The following CHD9 variants were observed in gnomAD, a reference collection of about 807,000 sequenced individuals.
CHD9 encodes chromodomain helicase DNA binding protein 9.
CHD9 carries 77 observed loss-of-function variants against 316.1 expected under a neutral mutation model. That is an observed-to-expected ratio of 0.24 (90% CI 0.20 to 0.29). The LOEUF is 0.29. Among genes scored for constraint, CHD9 ranks in the 10% least tolerant of loss-of-function variants. The pLI, the probability that CHD9 is intolerant of heterozygous loss-of-function variation, is 1.00. For missense variants in CHD9, 2,763 were observed against 3,438.1 expected, an observed-to-expected ratio of 0.80 and a Z score of 4.91; for synonymous variants, 1,129 against 1,158.3, an observed-to-expected ratio of 0.97 and a Z score of 0.51.
intron 2 of CHD9, among the ~76,000 whole-genome samples, chr16:53,192,840 A>G (rs1452531369): frequency 6.6e-6 from 1 of 152,220 alleles, no homozygotes; most frequent in Non-Finnish European, 1.5e-5. Flanking sequence ...ATTCCATTAT[A>G]TAAATGCACC....
intron 1 of CHD9, among the ~76,000 whole-genome samples, chr16:53,150,425 A>G (rs2041005684): frequency 1.3e-5 from 2 of 152,202 alleles, no homozygotes; most frequent in South Asian, 4.1e-4. Flanking sequence ...ATCAAAGATT[A>G]CATCGGTCTA....
In CHD9 at chr16:53,103,047, A is replaced by G. The variant is rs570716482; in HGVS notation, c.-165+47970A>G. Among the ~76,000 whole-genome samples the G allele has an allele frequency of 9.8e-4, 149 of 151,444 alleles. 1 individual carries two copies. Among genetic ancestry groups the G allele is most frequent in the Admixed American group, 1.6e-3 (24 of 15,222 alleles). On this transcript the variant is annotated intron_variant, in intron 1 of 38. Coordinates refer to ENST00000447540, the MANE Select transcript of CHD9 (RefSeq NM_001308319.2). ...TTTTTAGTGGAGAAAGGGTTTCACC[A>G]TGTTAGCCAGGATGGTCTCGATCTC...
In CHD9 at chr16:53,245,888, G is replaced by A. The variant is rs1398592646; in HGVS notation, c.3454+38G>A. ...GATTACAACAAATATGTTTTTTCTT[G>A]CAACAAATACTAATGAATAAATAAA... is the stretch of plus-strand genomic sequence containing the variant. On this transcript the variant is annotated intron_variant, in intron 15 of 38. Coordinates refer to ENST00000447540, the MANE Select transcript of CHD9 (RefSeq NM_001308319.2). The surrounding 1 kb of genome is among the most constrained non-coding windows in gnomAD (Gnocchi z 4.1). The A allele has an allele frequency of 8.0e-6, 11 of 1,372,174 alleles. No homozygotes were observed. In the Admixed American group the frequency reaches 3.3e-4, roughly 42 times the overall value. The allele number at this position is 1,372,174 out of a possible 1,614,324, so 85.0% of individuals were successfully genotyped here.
chr16:53,314,481 A>T lies in CHD9; in HGVS notation c.7327A>T (p.Ile2443Phe). ...GAGGAAGAATGTAGAAGGTGTTGAC[A>T]TCTTCTTTTTTAACAGAAATAAACC... ...GRRKNVEGVD[I>F]FFFNRNKPPN... The change falls in exon 35 of 39, where the codon ATC (isoleucine) becomes TTC (phenylalanine). Residue 2443 changes from isoleucine to phenylalanine, a missense_variant. Physicochemically the swap from Ile to Phe is conservative, Grantham distance 21. Transcript: ENST00000447540. 6.3e-7 allele frequency: 1 copy of T among 1,580,700 alleles called. No homozygotes were observed. The highest frequency in any genetic ancestry group is 8.6e-7 in the Non-Finnish European group (1 of 1,162,110).
intron 1 of CHD9, among the ~76,000 whole-genome samples, chr16:53,061,651 A>C (rs2032919738): frequency 6.6e-6 from 1 of 152,232 alleles, no homozygotes; most frequent in Non-Finnish European, 1.5e-5. Context: ...GAAGTGTCCC[A>C]CGAAAAGGCA....
rs926103402 is a variant in CHD9 at position 53,227,230 on chromosome 16, A to G, written c.2044-166A>G. Reference sequence around the variant, plus strand: ...GCAGGTGATGAAAAGGACAATGACAATGATATATTTTTTTCATTTTTGTAT... The same window carrying G: ...GCAGGTGATGAAAAGGACAATGACAGTGATATATTTTTTTCATTTTTGTAT... On this transcript the variant is annotated intron_variant, in intron 5 of 38. Transcript: ENST00000447540. 1.9e-5 allele frequency: 10 copies of G among 513,836 alleles called. No individual in the cohort carries two copies. The Admixed American group carries it at 2.1e-4, about 11-fold the overall frequency. The allele number at this position is 513,836 out of a possible 1,614,324, so 31.8% of individuals were successfully genotyped here.
chr16:53,110,982 G>A (rs1449087632), intron 1 of CHD9, among the ~76,000 whole-genome samples: 1 of 152,040 alleles, frequency 6.6e-6, no homozygotes, highest in Non-Finnish European at 1.5e-5. Context: ...TTGGGGAGTT[G>A]ACCTTTTCCA....
chr16:53,195,506 G>A (rs2152836028), intron 2 of CHD9, among the ~76,000 whole-genome samples: 1 of 152,180 alleles, frequency 6.6e-6, no homozygotes, highest in East Asian at 1.9e-4. Flanking sequence ...TGCAACCAAG[G>A]TGTCAACTTG....
At chr16:53,314,255 GTTTCTACATTAAAGATGTA>G in intron 34 of CHD9, 103 bp from the exon 35 acceptor site, 3 of 616,022 alleles carry the variant, frequency 4.9e-6, no homozygotes, top group Non-Finnish European at 7.7e-6. Context: ...TAGTCCAAAA[GTTTCTACATTAAAGATGTA>G]TAAAATAAGA....
At position 53,314,884 on chromosome 16, in the gene CHD9, C is replaced by G. The variant is rs773000417; in HGVS notation, c.7424C>G (p.Thr2475Ser). The G allele has an allele frequency of 1.9e-6, 3 of 1,613,816 alleles. No individual in the cohort carries two copies. The South Asian group carries it at 3.3e-5, about 18-fold the overall frequency. The change falls in exon 36 of 39, where the codon ACT (threonine) becomes AGT (serine). Residue 2475 changes from threonine to serine, a missense_variant. Physicochemically the swap from Thr to Ser is moderately conservative, Grantham distance 58. Coordinates refer to ENST00000447540, the MANE Select transcript of CHD9 (RefSeq NM_001308319.2). Reference protein sequence around the residue: ...STGINPALSYTQPQGIPDTES... With the variant: ...STGINPALSYSQPQGIPDTES... ...GGGATAAATCCAGCACTATCCTATA[C>G]TCAACCTCAAGGAATTCCTGATACA...
At chr16:53,204,117 A>G (rs867653241) in intron 2 of CHD9, among the ~76,000 whole-genome samples, 4 of 126,000 alleles carry the variant, frequency 3.2e-5, no homozygotes, top group Admixed American at 7.3e-5. Context: ...TTCTTTATCT[A>G]GATAACGTGT....
At chr16:53,252,109 A>G (rs896430646) in intron 17 of CHD9, among the ~76,000 whole-genome samples, 11 of 152,206 alleles carry the variant, frequency 7.2e-5, no homozygotes, top group African/African-American at 2.7e-4. Flanking sequence ...GACTAAGCCA[A>G]AAGAACAAAT....
intron 8 of CHD9, among the ~76,000 whole-genome samples, chr16:53,229,314 G>A (rs1015635793): frequency 7.9e-5 from 12 of 152,144 alleles, no homozygotes; most frequent in Non-Finnish European, 1.5e-5. Context: ...GATCATGCTT[G>A]TATTTTTAAA....
intron 24 of CHD9, among the ~76,000 whole-genome samples, chr16:53,281,723 C>T (rs2053436231): frequency 1.3e-5 from 2 of 152,122 alleles, no homozygotes; most frequent in South Asian, 4.1e-4. Flanking sequence ...TGTGTTTTGC[C>T]AACCTGTCAA....
intron 20 of CHD9, among the ~76,000 whole-genome samples, chr16:53,265,354 G>A (rs1428009045): frequency 6.6e-6 from 1 of 152,122 alleles, no homozygotes; most frequent in Non-Finnish European, 1.5e-5. Flanking sequence ...AGTGAGCTGT[G>A]ATTGTGCCAT....
intron 1 of CHD9, among the ~76,000 whole-genome samples, chr16:53,106,043 C>T (rs955378189): frequency 6.6e-6 from 1 of 152,092 alleles, no homozygotes. Context: ...AGGCTTCGAA[C>T]TCCTGACCTC....
intron 1 of CHD9, among the ~76,000 whole-genome samples, chr16:53,146,184 G>A (rs528673613): frequency 6.2e-5 from 9 of 144,066 alleles, no homozygotes; most frequent in African/African-American, 2.1e-4. Context: ...CCAGGAGTTC[G>A]AGACCAACCT....
Position 53,324,817 on chromosome 16 carries a change from A to G in CHD9, c.8616A>G (p.Ser2872=), listed in dbSNP as rs773176161. 6.2e-7 allele frequency: 1 copy of G among 1,612,760 alleles called. No homozygotes were observed. Among genetic ancestry groups the G allele is most frequent in the South Asian group, 1.1e-5 (1 of 90,782 alleles). Residue 2872 remains serine (S), a synonymous_variant, in exon 39 of 39, where the codon TCA becomes TCG. Coordinates refer to ENST00000447540, the MANE Select transcript of CHD9 (RefSeq NM_001308319.2). ...ATGAAAACAGCACAGATGAGGGTTC[A>G]GAGAAAGCTGATGCTTCATCTGGAT... ...PLNENSTDEG[S]EKADASSGSD...
At chr16:53,266,324 ATAT>A (rs1384873034) in intron 20 of CHD9, among the ~76,000 whole-genome samples, 2 of 152,154 alleles carry the variant, frequency 1.3e-5, no homozygotes, top group Non-Finnish European at 2.9e-5. Context: ...CATTCCATAC[ATAT>A]TATGGCATAC....
Sources: gnomAD v4.1 joint callset for allele counts (sites outside exome capture counted in the v4.1 genomes callset) on GRCh38, gnomAD v4.1.1 for gene constraint, Gnocchi (gnomAD v3.1) non-coding constraint, MANE v1.5 for transcripts, NCBI Gene and HGNC (gene_info 2026-07-23, HGNC 2026-07-21) for gene names.